Variants in DEF8 observed in about 807,000 individuals in gnomAD.
DEF8 encodes the protein differentially expressed in FDCP 8 homolog, also known as DEF-8.
DEF8 carries 38 observed loss-of-function variants against 59.1 expected under a neutral mutation model. The observed-to-expected ratio is 0.64, with a 90% CI of 0.50 to 0.84. The LOEUF (loss-of-function observed/expected upper bound fraction) is 0.84. DEF8 is among the 40% of genes least tolerant of loss of function. The pLI is 0.00. For missense variants in DEF8, 557 were observed against 615.2 expected (o/e 0.91, Z 1.00); for synonymous variants, 265 against 250.1 (o/e 1.06, Z -0.56).
intron 12 of DEF8, 57 bp downstream of exon 12, chr16:89,964,632 G>GAGAGGAC: frequency 7.2e-7 from 1 of 1,392,590 alleles, no homozygotes; most frequent in African/African-American, 1.4e-5. Flanking sequence ...GTCCTCTGGG[G>GAGAGGAC]AGCTGCCCCT....
Position 89,955,227 on chromosome 16 carries a change from G to A in DEF8, c.183G>A (p.Met61Ile), listed in dbSNP as rs2032953550. Residue 61 changes from methionine to isoleucine, a missense_variant, in exon 4 of 13, where the codon ATG (methionine) becomes ATA (isoleucine). Physicochemically the swap from Met to Ile is conservative, Grantham distance 10. Coordinates refer to ENST00000563594, the MANE Select transcript of DEF8 (RefSeq NM_001242818.2). ...EPEFRCPERV[M>I]DLGLSEDHFS... ...AATTCCGCTGCCCTGAACGCGTGATGGATCTCGGCCTGTCTGAGGACCACT... is the reference window on the plus strand; with the variant it reads ...AATTCCGCTGCCCTGAACGCGTGATAGATCTCGGCCTGTCTGAGGACCACT... 6.2e-7 allele frequency: 1 copy of A among 1,613,850 alleles called. No individual in the cohort carries two copies. Among genetic ancestry groups the A allele is most frequent in the Non-Finnish European group, 8.5e-7 (1 of 1,179,990 alleles).
In DEF8 at chr16:89,964,512, A is replaced by C; in HGVS notation, c.1190A>C (p.Asp397Ala). Reference sequence around the variant, plus strand: ...GTGTGTGAGCTCTGCAGAGAGGGCGACGTGCTGTTCCCGTTCGACAGCCAC... The same window carrying C: ...GTGTGTGAGCTCTGCAGAGAGGGCGCCGTGCTGTTCCCGTTCGACAGCCAC... Reference protein sequence around the residue: ...GFVCELCREGDVLFPFDSHTS... With the variant: ...GFVCELCREGAVLFPFDSHTS... The change falls in exon 12 of 13, where the codon GAC (aspartate) becomes GCC (alanine). Residue 397 changes from aspartate (D) to alanine (A), a missense_variant. Physicochemically the swap from Asp to Ala is moderately radical, Grantham distance 126. Coordinates refer to ENST00000563594, the MANE Select transcript of DEF8 (RefSeq NM_001242818.2). 6.3e-7 allele frequency: 1 copy of C among 1,599,058 alleles called. No homozygotes were observed. The highest frequency in any genetic ancestry group is 1.3e-5 in the African/African-American group (1 of 74,638).
Position 89,954,038 on chromosome 16 carries a change from C to T in DEF8, c.-10-205C>T, listed in dbSNP as rs967100298. 3.6e-5 allele frequency: 21 copies of T among 581,060 alleles called. No individual in the cohort carries two copies. The highest frequency in any genetic ancestry group is 6.0e-5 in the East Asian group (2 of 33,322). The allele number at this position is 581,060 out of a possible 1,614,324, so 36.0% of individuals were successfully genotyped here. The stretch of plus-strand genomic sequence containing the variant: ...TCACCGTGAGCTCTTTCCAAGGGGA[C>T]GCCACCAGTGGGGGCCTGGGCAGGA... On this transcript the variant is annotated intron_variant, in intron 2 of 12. Transcript: ENST00000563594. The surrounding 1 kb of genome is among the most constrained non-coding windows in gnomAD (Gnocchi z 4.3).
At chr16:89,958,156 C>T (rs772191779) in intron 5 of DEF8, 40 of 156,296 alleles carry the variant, frequency 2.6e-4, no homozygotes, top group Non-Finnish European at 3.1e-4. Context: ...CAGTCCTGAC[C>T]GGATGACAGT....
At position 89,966,559 on chromosome 16, in the gene DEF8, T is replaced by C. The variant is rs1281080597; in HGVS notation, c.*596T>C. 1 of 153,246 alleles carries C rather than the reference T, an allele frequency of 6.5e-6. No homozygotes were observed. The highest frequency in any genetic ancestry group is 1.5e-5 in the Non-Finnish European group (1 of 68,494). 9.5% of individuals were successfully genotyped at this position (153,246 alleles called of 1,614,324 possible). ...CACAGTTGTCACCTGCAGACCTGCC[T>C]CTCCCTGGCCTGAGGTTCAAAGGCC... On this transcript the variant is annotated 3_prime_UTR_variant, in exon 13 of 13. Coordinates refer to ENST00000563594, the MANE Select transcript of DEF8 (RefSeq NM_001242818.2).
In DEF8 at chr16:89,964,531, C is replaced by A; in HGVS notation, c.1209C>A (p.Asp403Glu). Residue 403 changes from aspartate (D) to glutamate (E), a missense_variant, in exon 12 of 13, where the codon GAC becomes GAA. Physicochemically the swap from Asp to Glu is conservative, Grantham distance 45. Transcript: ENST00000563594. ...CREGDVLFPF[D>E]SHTSVCADCS... ...AGGGCGACGTGCTGTTCCCGTTCGACAGCCACACGTCTGTGTGCGCCGACT... is the reference window on the plus strand; with the variant it reads ...AGGGCGACGTGCTGTTCCCGTTCGAAAGCCACACGTCTGTGTGCGCCGACT... The A allele has an allele frequency of 6.3e-7, 1 of 1,594,782 alleles. No homozygotes were observed. The highest frequency in any genetic ancestry group is 8.5e-7 in the Non-Finnish European group (1 of 1,171,426).
Position 89,949,407 on chromosome 16 carries a change from C to T in DEF8, c.-107-10C>T. The T allele has an allele frequency of 1.3e-6, 2 of 1,597,508 alleles. No homozygotes were observed. The highest frequency in any genetic ancestry group is 1.7e-6 in the Non-Finnish European group (2 of 1,174,922). ...GGGAGGCACAGTGCTGGGGTGGCTT[C>T]TCCCTGCAGCAGGTGCCGAACCCAC... On this transcript the variant is annotated splice_polypyrimidine_tract_variant and intron_variant, in intron 1 of 12. Coordinates refer to ENST00000563594, the MANE Select transcript of DEF8 (RefSeq NM_001242818.2).
rs577952877 is a variant in DEF8, at chr16:89,949,814, T to G, written c.-11+301T>G. The stretch of plus-strand genomic sequence containing the variant: ...AGACCTCTTGCTTTCACTCTTCCAC[T>G]TCCTGCCCGCTCCTTTCTGAGGCCA... On this transcript the variant is annotated intron_variant, in intron 2 of 12. Transcript: ENST00000563594. Among the ~76,000 whole-genome samples the G allele has an allele frequency of 2.0e-5, 3 of 152,324 alleles. No individual in the cohort carries two copies. The East Asian group carries it at 5.8e-4, about 29-fold the overall frequency.
At chr16:89,951,147 G>C (rs1567781455) in intron 2 of DEF8, among the ~76,000 whole-genome samples, 1 of 152,144 alleles carries the variant, frequency 6.6e-6, no homozygotes, top group Non-Finnish European at 1.5e-5. Flanking sequence ...GCAGAGAAAC[G>C]TTTATCCACT....
Position 89,949,404 on chromosome 16 carries a change from C to T in DEF8, c.-107-13C>T. 1 of 1,595,490 alleles carries T rather than the reference C, an allele frequency of 6.3e-7. No individual in the cohort carries two copies. Among genetic ancestry groups the T allele is most frequent in the Non-Finnish European group, 8.5e-7 (1 of 1,173,804 alleles). ...GTGGGGAGGCACAGTGCTGGGGTGGCTTCTCCCTGCAGCAGGTGCCGAACC... is the reference window on the plus strand; with the variant it reads ...GTGGGGAGGCACAGTGCTGGGGTGGTTTCTCCCTGCAGCAGGTGCCGAACC... On this transcript the variant is annotated splice_polypyrimidine_tract_variant and intron_variant, in intron 1 of 12. Transcript: ENST00000563594.
intron 6 of DEF8, among the ~76,000 whole-genome samples, chr16:89,960,135 G>T (rs1380725977): frequency 6.6e-6 from 1 of 152,216 alleles, no homozygotes; most frequent in Non-Finnish European, 1.5e-5. Context: ...GCTCAGAGGT[G>T]GCTGGGGCTT....
chr16:89,967,254 G>A lies in DEF8; in HGVS notation c.*1291G>A, dbSNP rs1567814130. On this transcript the variant is annotated 3_prime_UTR_variant, in exon 13 of 13. Transcript: ENST00000563594. ...ATGGTTGGCACACGGTGGGCAGAGG[G>A]CAGAGAATGCCACTGCTTGGTTATT... The A allele has an allele frequency of 5.0e-6, 2 of 398,662 alleles. No individual in the cohort carries two copies. The highest frequency in any genetic ancestry group is 3.6e-5 in the East Asian group (1 of 28,074). 24.7% of individuals were successfully genotyped at this position (398,662 alleles called of 1,614,324 possible).
chr16:89,949,080 CGGGGCCGGCGG>C (rs1187458330), intron 1 of DEF8, among the ~76,000 whole-genome samples: 14 of 20,274 alleles, frequency 6.9e-4, no homozygotes. Flanking sequence ...CCGGCGGGGA[CGGGGCCGGCGG>C]GGACGGGGCC....
chr16:89,959,171 G>C lies in DEF8; in HGVS notation c.514+16G>C, dbSNP rs756217913. 7 of 1,613,866 alleles carry C rather than the reference G, an allele frequency of 4.3e-6. No homozygotes were observed. In the South Asian group the frequency reaches 7.7e-5, roughly 18 times the overall value. On this transcript the variant is annotated intron_variant, in intron 6 of 12. Coordinates refer to ENST00000563594, the MANE Select transcript of DEF8 (RefSeq NM_001242818.2). ...ACCTGCACAGGTGGGCCGAGACCCA[G>C]ACGAGGAGTGAGGAATGAGAGAGAC...
chr16:89,948,974 A>T (rs1227551842), intron 1 of DEF8, among the ~76,000 whole-genome samples, 160 bp downstream of exon 1: 3 of 37,300 alleles, frequency 8.0e-5, no homozygotes, highest in Non-Finnish European at 1.4e-4. Flanking sequence ...GCCGGCGGGG[A>T]CGGGGCCGGC....
chr16:89,955,995 C>T (rs1333354473), intron 4 of DEF8, among the ~76,000 whole-genome samples: 1 of 151,964 alleles, frequency 6.6e-6, no homozygotes, highest in African/African-American at 2.4e-5. Context: ...ATGATGTGAA[C>T]CTAGGAGGCA....
chr16:89,952,067 C>T (rs1194729767), intron 2 of DEF8, among the ~76,000 whole-genome samples: 1 of 152,086 alleles, frequency 6.6e-6, no homozygotes. Flanking sequence ...CTAGTAGAGA[C>T]AGGGTTTCAA....
chr16:89,957,767 C>T, intron 5 of DEF8, 107 bp downstream of exon 5: 2 of 1,351,218 alleles, frequency 1.5e-6, no homozygotes, highest in Non-Finnish European at 2.0e-6. Flanking sequence ...GGTGGTCTCT[C>T]TCTCGGCCTC....
intron 2 of DEF8, 39 bp downstream of exon 2, chr16:89,949,552 G>A (rs6500462): frequency 8.7e-6 from 14 of 1,613,240 alleles, no homozygotes; most frequent in Admixed American, 1.7e-5. Flanking sequence ...CGCACACCGG[G>A]GTGACTTCTC....
Sources: allele counts gnomAD v4.1 joint callset (sites outside exome capture counted in the v4.1 genomes callset), GRCh38; gene constraint gnomAD v4.1.1; non-coding constraint Gnocchi (gnomAD v3.1); transcripts MANE v1.5; gene names NCBI Gene and HGNC (gene_info 2026-07-23, HGNC 2026-07-21).